Variants in ATP2B2 observed in about 807,000 individuals in gnomAD.
ATP2B2 encodes ATPase plasma membrane Ca2+ transporting 2, also known as plasma membrane calcium-transporting ATPase 2.
Under a neutral mutation model 120.0 loss-of-function variants are expected in ATP2B2, and 15 were observed. The ratio of observed to expected loss-of-function variants is 0.12; its 90% CI spans 0.08 to 0.19. The LOEUF is 0.19. Ranked by LOEUF, ATP2B2 falls within the 10% of genes least tolerant of loss-of-function variation. The pLI, the probability that ATP2B2 is intolerant of heterozygous loss-of-function variation, is 1.00. For missense variants in ATP2B2, 1,045 were observed against 1,719.8 expected (o/e 0.61, Z 6.94); for synonymous variants, 694 against 700.3 (o/e 0.99, Z 0.14).
At chr3:10,543,293 T>C (rs2067477116) in intron 2 of ATP2B2, among the ~76,000 whole-genome samples, 1 of 152,220 alleles carries the variant, frequency 6.6e-6, no homozygotes, top group East Asian at 1.9e-4. Context: ...GTTATGGCAG[T>C]CTGAGCTTGA....
intron 10 of ATP2B2, among the ~76,000 whole-genome samples, chr3:10,376,676 T>C (rs1450816450): frequency 1.3e-5 from 2 of 152,204 alleles, no homozygotes; most frequent in African/African-American, 4.8e-5. Context: ...GGTCCCCTTG[T>C]TGGGAAGTGC....
Position 10,396,601 on chromosome 3 carries a change from T to C in ATP2B2, c.781+4352A>G, listed in dbSNP as rs2062044998. Among the ~76,000 whole-genome samples the C allele has an allele frequency of 3.3e-5, 5 of 152,184 alleles. No homozygotes were observed. In the South Asian group the frequency reaches 8.3e-4, roughly 25 times the overall value. On this transcript the variant is annotated intron_variant, in intron 5 of 22. Coordinates refer to ENST00000360273, the MANE Select transcript of ATP2B2 (RefSeq NM_001001331.4). ...CATGGTGTCTGGTTGTGCATAAAAA[T>C]GAGCATCCAAATGGCTGTTATGCAG... is the stretch of plus-strand genomic sequence containing the variant.
intron 22 of ATP2B2, among the ~76,000 whole-genome samples, chr3:10,331,633 G>A (rs561619936): frequency 4.0e-5 from 6 of 149,400 alleles, no homozygotes; most frequent in South Asian, 2.2e-4. Flanking sequence ...GGTTCTCTCC[G>A]AGGCTGAAAT....
chr3:10,695,135 G>C (rs969709244), intron 1 of ATP2B2, among the ~76,000 whole-genome samples: 3 of 151,858 alleles, frequency 2.0e-5, no homozygotes, highest in African/African-American at 7.3e-5. Flanking sequence ...ACTGAAGAAA[G>C]TGGTTTAATG....
At chr3:10,505,816 G>C (rs1335240749), upstream of ATP2B2, among the ~76,000 whole-genome samples, 3 of 149,718 alleles carry the variant, frequency 2.0e-5, 1 homozygote, top group South Asian at 4.3e-4. Flanking sequence ...TGTGTGGACC[G>C]AACCACCACG....
intron 2 of ATP2B2, among the ~76,000 whole-genome samples, chr3:10,434,623 C>T (rs2125114272): frequency 6.6e-6 from 1 of 152,372 alleles, no homozygotes; most frequent in East Asian, 1.9e-4. Context: ...GAAAATGATT[C>T]ACCTGAGGCC....
intron 3 of ATP2B2, among the ~76,000 whole-genome samples, chr3:10,410,109 T>C (rs2062556837): frequency 6.6e-6 from 1 of 152,220 alleles, no homozygotes; most frequent in Non-Finnish European, 1.5e-5. Flanking sequence ...CTCGAGCAGA[T>C]TAACCCCCTT....
At chr3:10,577,788 G>A (rs1256682677) in intron 2 of ATP2B2, among the ~76,000 whole-genome samples, 3 of 152,250 alleles carry the variant, frequency 2.0e-5, no homozygotes, top group Non-Finnish European at 2.9e-5. Context: ...TCTCCCTGGG[G>A]ATGCCAGAGG....
intron 1 of ATP2B2, among the ~76,000 whole-genome samples, chr3:10,468,248 T>G (rs552885040): frequency 1.2e-4 from 18 of 152,324 alleles, no homozygotes; most frequent in Non-Finnish European, 8.8e-5. Context: ...AGGGAACTCC[T>G]GGTGGGGCTG....
At chr3:10,577,051 CAA>C (rs71055823) in intron 2 of ATP2B2, among the ~76,000 whole-genome samples, 22 of 109,360 alleles carry the variant, frequency 2.0e-4, no homozygotes, top group African/African-American at 4.3e-4. Context: ...GACTCTGTGT[CAA>C]AAAAAAAAAA....
At chr3:10,522,761 C>T (rs1213744650) in intron 3 of ATP2B2, among the ~76,000 whole-genome samples, 1 of 152,160 alleles carries the variant, frequency 6.6e-6, no homozygotes, top group Non-Finnish European at 1.5e-5. Flanking sequence ...GTGTCCTGAA[C>T]CTCCTTTTAC....
chr3:10,456,468 C>A (rs903993673), intron 1 of ATP2B2, among the ~76,000 whole-genome samples: 1 of 152,110 alleles, frequency 6.6e-6, no homozygotes, highest in Non-Finnish European at 1.5e-5. Flanking sequence ...CTTGGTTGAC[C>A]CTCCCCAACA....
At chr3:10,398,556 T>A (rs111405099) in intron 5 of ATP2B2, among the ~76,000 whole-genome samples, 62 of 152,206 alleles carry the variant, frequency 4.1e-4, no homozygotes, top group African/African-American at 1.4e-3. Context: ...GGATCCCTGC[T>A]GAGACATGGA....
chr3:10,335,231 A>G (rs952509849), intron 22 of ATP2B2, among the ~76,000 whole-genome samples: 2 of 152,228 alleles, frequency 1.3e-5, no homozygotes, highest in Admixed American at 6.5e-5. Flanking sequence ...GCTGGCACCC[A>G]GGCAAGATGT....
At chr3:10,332,292 G>A (rs1025613832) in intron 22 of ATP2B2, 1 of 475,890 alleles carries the variant, frequency 2.1e-6, no homozygotes, top group Admixed American at 3.1e-5. Flanking sequence ...GTCTAGCAAG[G>A]TACGGCGTCC....
chr3:10,571,314 C>T (rs1050030654), intron 2 of ATP2B2, among the ~76,000 whole-genome samples: 1 of 152,230 alleles, frequency 6.6e-6, no homozygotes, highest in Non-Finnish European at 1.5e-5. Context: ...GTGCCAGGAA[C>T]AGAGCCTTCA....
At chr3:10,665,674 G>C (rs994829464) in intron 1 of ATP2B2, among the ~76,000 whole-genome samples, 2 of 152,206 alleles carry the variant, frequency 1.3e-5, no homozygotes, top group African/African-American at 2.4e-5. Flanking sequence ...GTTGCTTGGA[G>C]GGCATGCCAA....
intron 22 of ATP2B2, among the ~76,000 whole-genome samples, chr3:10,336,614 A>G (rs995773681): frequency 2.0e-5 from 3 of 152,112 alleles, no homozygotes; most frequent in African/African-American, 7.2e-5. Context: ...GGAAGAGAGC[A>G]GTGTTCAGCC....
chr3:10,462,872 C>T lies in ATP2B2; in HGVS notation c.-319-13010G>A, dbSNP rs560374776. On this transcript the variant is annotated intron_variant, in intron 1 of 22. Transcript: ENST00000360273. ...TGGCCTCTCTGGGGTCTGAGCTGGC[C>T]TCCTTGGGGTCCGAGTTGGCCTCTC... 2.0e-5 allele frequency among the ~76,000 whole-genome samples: 3 copies of T among 152,280 alleles called. No individual in the cohort carries two copies. The South Asian group carries it at 6.2e-4, about 32-fold the overall frequency.
Sources: allele counts gnomAD v4.1 joint callset (sites outside exome capture counted in the v4.1 genomes callset), GRCh38; gene constraint gnomAD v4.1.1; transcripts MANE v1.5; gene names NCBI Gene and HGNC (gene_info 2026-07-23, HGNC 2026-07-21).